Variants in FXYD6 observed in about 807,000 individuals in gnomAD.
FXYD6 encodes FXYD domain containing ion transport regulator 6, also known as FXYD domain-containing ion transport regulator 6.
Under a neutral mutation model 16.7 loss-of-function variants are expected in FXYD6, and 7 were observed. The ratio of observed to expected loss-of-function variants is 0.42; its 90% CI spans 0.24 to 0.79. FXYD6 has a LOEUF of 0.79. Among genes scored for constraint, FXYD6 ranks in the 30% least tolerant of loss-of-function variants. The pLI is 0.28. For missense variants in FXYD6, 111 were observed against 116.2 expected, an observed-to-expected ratio of 0.95 and a Z score of 0.21; for synonymous variants, 49 against 43.0, an observed-to-expected ratio of 1.14 and a Z score of -0.54.
At chr11:117,867,464 G>T (rs1470388813) in intron 1 of FXYD6, among the ~76,000 whole-genome samples, 1 of 152,150 alleles carries the variant, frequency 6.6e-6, no homozygotes, top group Non-Finnish European at 1.5e-5. Flanking sequence ...GCAGTAGCTG[G>T]ACCCATCTTT....
intron 1 of FXYD6, among the ~76,000 whole-genome samples, chr11:117,848,397 AT>A (rs57830951): frequency 0.42 from 61,624 of 146,970 alleles, 13,111 homozygotes; most frequent in Non-Finnish European, 0.49. Flanking sequence ...AATGAAACCA[AT>A]TTTTTTTTTT....
At chr11:117,843,503 A>G (rs151010491) in intron 1 of FXYD6, among the ~76,000 whole-genome samples, 131 of 152,284 alleles carry the variant, frequency 8.6e-4, no homozygotes, top group Non-Finnish European at 1.2e-3. Context: ...TCATTCTGAC[A>G]GCCAATACCC....
chr11:117,874,644 G>T (rs1217584835), intron 1 of FXYD6, among the ~76,000 whole-genome samples: 2 of 152,234 alleles, frequency 1.3e-5, no homozygotes, highest in African/African-American at 4.8e-5. Context: ...AGGGCTCAGA[G>T]CCTCCGATGG....
rs185443214 is a variant in FXYD6, at chr11:117,865,393, C to T, written c.-6+11199G>A. ...TACCCAAAAGAATTGGAAATAGAACCTTGAGGAGATATTTGTAAACCCATG... is the reference window on the plus strand; with the variant it reads ...TACCCAAAAGAATTGGAAATAGAACTTTGAGGAGATATTTGTAAACCCATG... On this transcript the variant is annotated intron_variant, in intron 1 of 7. Coordinates refer to ENST00000526014, the MANE Select transcript of FXYD6 (RefSeq NM_022003.4). Among the ~76,000 whole-genome samples the T allele has an allele frequency of 1.2e-3, 179 of 152,276 alleles. 2 individuals are homozygous for T. In the South Asian group the frequency reaches 0.02, roughly 17 times the overall value.
intron 1 of FXYD6, among the ~76,000 whole-genome samples, chr11:117,861,509 T>C (rs1565326182): frequency 6.6e-6 from 1 of 152,184 alleles, no homozygotes; most frequent in African/African-American, 2.4e-5. Flanking sequence ...CTAAATTAGA[T>C]GGAGTTCTGT....
intron 1 of FXYD6, among the ~76,000 whole-genome samples, chr11:117,858,661 TTCTTTCTTTC>T (rs2056805361): frequency 1.2e-5 from 1 of 81,798 alleles, no homozygotes; most frequent in African/African-American, 5.6e-5. Context: ...CTTTCTTTCT[TTCTTTCTTTC>T]TTTCTTTCTT....
chr11:117,841,050 G>C lies in FXYD6; in HGVS notation c.209+98C>G, dbSNP rs2056328014. ...CACACACGTTCTGCCTCCGAGACAA[G>C]AATCCAAGAGAATGCCCATTTGGGG... On this transcript the variant is annotated intron_variant, in intron 5 of 7. Coordinates refer to ENST00000526014, the MANE Select transcript of FXYD6 (RefSeq NM_022003.4). 4.7e-6 allele frequency: 7 copies of C among 1,495,164 alleles called. No individual in the cohort carries two copies. The South Asian group carries it at 8.3e-5, about 18-fold the overall frequency. 92.6% of individuals were successfully genotyped at this position (1,495,164 alleles called of 1,614,324 possible).
intron 1 of FXYD6, among the ~76,000 whole-genome samples, chr11:117,856,171 G>A (rs928601700): frequency 6.6e-6 from 1 of 152,064 alleles, no homozygotes; most frequent in African/African-American, 2.4e-5. Context: ...CCCATACTGA[G>A]TCACATAATT....
At chr11:117,843,742 T>C (rs1240588384) in intron 1 of FXYD6, 1 of 152,188 alleles carries the variant, frequency 6.6e-6, no homozygotes, top group Non-Finnish European at 1.5e-5. Context: ...CAAAAGGAGT[T>C]TGAAGGCTGG....
intron 1 of FXYD6, among the ~76,000 whole-genome samples, chr11:117,856,705 C>T (rs1291686743): frequency 6.6e-6 from 1 of 152,138 alleles, no homozygotes; most frequent in African/African-American, 2.4e-5. Flanking sequence ...AAAAAAGATT[C>T]GACTGTGTAT....
At chr11:117,859,341 C>A (rs2056851678) in intron 1 of FXYD6, among the ~76,000 whole-genome samples, 1 of 152,238 alleles carries the variant, frequency 6.6e-6, no homozygotes, top group African/African-American at 2.4e-5. Context: ...ACACTGCACA[C>A]TTCCCAGACA....
chr11:117,841,135 A>C lies in FXYD6; in HGVS notation c.209+13T>G, dbSNP rs2056332737. The C allele has an allele frequency of 1.2e-6, 2 of 1,613,844 alleles. No homozygotes were observed. Among genetic ancestry groups the C allele is most frequent in the Non-Finnish European group, 1.7e-6 (2 of 1,179,988 alleles). On this transcript the variant is annotated intron_variant, in intron 5 of 7. Transcript: ENST00000526014. ...GTATCACCCCCCCAAGGCCACTGCCACGGCATCCTTACCGGGGCTTCTGAT... is the reference window on the plus strand; with the variant it reads ...GTATCACCCCCCCAAGGCCACTGCCCCGGCATCCTTACCGGGGCTTCTGAT...
At position 117,873,515 on chromosome 11, in the gene FXYD6, G is replaced by A. The variant is rs549001270; in HGVS notation, c.-6+3077C>T. Among the ~76,000 whole-genome samples, 21 of 152,330 alleles carry A rather than the reference G, an allele frequency of 1.4e-4. 1 individual carries two copies. The East Asian group carries it at 1.9e-3, about 14-fold the overall frequency. On this transcript the variant is annotated intron_variant, in intron 1 of 7. Coordinates refer to ENST00000526014, the MANE Select transcript of FXYD6 (RefSeq NM_022003.4). The stretch of plus-strand genomic sequence containing the variant: ...GAACGCATTTGCCTTTCGGTAGCAC[G>A]GAAGCTCAGGGGGAGAGCTGGGGCT...
At chr11:117,843,131 C>T (rs1375552833) in intron 1 of FXYD6, among the ~76,000 whole-genome samples, 2 of 152,154 alleles carry the variant, frequency 1.3e-5, no homozygotes, top group Non-Finnish European at 2.9e-5. Context: ...GACAGGGTTT[C>T]ATCATGTTGG....
intron 1 of FXYD6, among the ~76,000 whole-genome samples, chr11:117,852,792 C>T (rs976239974): frequency 3.3e-5 from 5 of 152,240 alleles, no homozygotes; most frequent in African/African-American, 9.6e-5. Context: ...TTCTCCATAT[C>T]GCTTAACTGC....
At chr11:117,858,927 C>T (rs1196248451) in intron 1 of FXYD6, among the ~76,000 whole-genome samples, 1 of 151,944 alleles carries the variant, frequency 6.6e-6, no homozygotes, top group African/African-American at 2.4e-5. Flanking sequence ...AGGTGCGAAC[C>T]ACCACACCCA....
At chr11:117,842,205 GA>G in intron 2 of FXYD6, 177 bp from the exon 3 acceptor site, 2 of 865,696 alleles carry the variant, frequency 2.3e-6, no homozygotes, top group South Asian at 3.5e-5. Context: ...GGGGTTAGGG[GA>G]ACCCTAAGGG....
At chr11:117,873,397 A>G (rs2134217643) in intron 1 of FXYD6, among the ~76,000 whole-genome samples, 1 of 152,352 alleles carries the variant, frequency 6.6e-6, no homozygotes, top group East Asian at 1.9e-4. Context: ...AAGGTCTAAA[A>G]TCCGAAAGGC....
intron 1 of FXYD6, among the ~76,000 whole-genome samples, chr11:117,873,720 A>C (rs571380980): frequency 2.0e-5 from 3 of 152,204 alleles, no homozygotes; most frequent in Non-Finnish European, 4.4e-5. Flanking sequence ...TGGGAGGAAG[A>C]GAGGAGGTGC....
Sources: gnomAD v4.1 joint callset for allele counts (sites outside exome capture counted in the v4.1 genomes callset) on GRCh38, gnomAD v4.1.1 for gene constraint, MANE v1.5 for transcripts, NCBI Gene and HGNC (gene_info 2026-07-23, HGNC 2026-07-21) for gene names.